Variants in ATP10B observed in about 807,000 individuals in gnomAD.
The protein encoded by ATP10B is phospholipid-transporting ATPase VB.
A neutral mutation model predicts 141.2 loss-of-function variants in ATP10B; 122 were observed. The ratio of observed to expected loss-of-function variants is 0.86; its 90% CI spans 0.75 to 1.00. The LOEUF (loss-of-function observed/expected upper bound fraction) is 1.00, where lower values mean the gene tolerates loss of function less well. Ranked by LOEUF, ATP10B falls within the 50% of genes least tolerant of loss-of-function variation. The pLI, the probability that ATP10B is intolerant of heterozygous loss-of-function variation, is 0.00. For missense variants in ATP10B, 1,876 were observed against 1,825.3 expected (o/e 1.03, Z -0.51); for synonymous variants, 685 against 692.0 (o/e 0.99, Z 0.16).
chr5:160,591,123 G>T lies in ATP10B; in HGVS notation c.3581C>A (p.Thr1194Asn). The T allele has an allele frequency of 1.2e-6, 2 of 1,613,984 alleles. No homozygotes were observed. Among genetic ancestry groups the T allele is most frequent in the Non-Finnish European group, 1.7e-6 (2 of 1,179,894 alleles). Residue 1194 changes from threonine to asparagine, a missense_variant, in exon 23 of 26, where the codon ACT becomes AAT. By Grantham distance (65) the Thr-to-Asn change is moderately conservative. Transcript: ENST00000327245. ...GQNSECYNLSTFWISMVDAFY... is the reference protein window; with the variant it reads ...GQNSECYNLSNFWISMVDAFY... ...TGCATCCACCATAGAAATCCAGAAA[G>T]TCGACAGGTTATAGCACTGCCAGGA...
chr5:160,705,131 G>A (rs1764926246), intron 3 of ATP10B, among the ~76,000 whole-genome samples: 1 of 151,766 alleles, frequency 6.6e-6, no homozygotes, highest in Non-Finnish European at 1.5e-5. Context: ...TGTTAGCCAG[G>A]ATGGTCTCGA....
Position 160,813,341 on chromosome 5 carries a change from G to A in ATP10B, c.-575-27538C>T, listed in dbSNP as rs548649590. On this transcript the variant is annotated intron_variant, in intron 1 of 25. Coordinates refer to ENST00000327245, the MANE Select transcript of ATP10B (RefSeq NM_025153.3). ...ACGACACACCAGGAGATTATATCCCGCGCATGGCTTGGAGGGTCCTACGCC... is the reference window on the plus strand; with the variant it reads ...ACGACACACCAGGAGATTATATCCCACGCATGGCTTGGAGGGTCCTACGCC... Among the ~76,000 whole-genome samples the A allele has an allele frequency of 5.8e-4, 89 of 152,296 alleles. 2 individuals are homozygous for A. The South Asian group carries it at 0.016, about 28-fold the overall frequency.
chr5:160,866,210 C>G, the ATP10B span, among the ~76,000 whole-genome samples: 13 of 152,210 alleles, frequency 8.5e-5, no homozygotes, highest in South Asian at 2.5e-3. Context: ...ATATATACAT[C>G]ATGGAATACT....
At chr5:160,716,745 C>T (rs1366482421) in intron 3 of ATP10B, among the ~76,000 whole-genome samples, 164 bp downstream of exon 3, 2 of 152,150 alleles carry the variant, frequency 1.3e-5, no homozygotes, top group Non-Finnish European at 2.9e-5. Flanking sequence ...TATGGAGGCA[C>T]CAAGGTCCTG....
At chr5:160,570,461 G>A (rs561733507) in intron 24 of ATP10B, among the ~76,000 whole-genome samples, 2 of 152,056 alleles carry the variant, frequency 1.3e-5, no homozygotes, top group Non-Finnish European at 2.9e-5. Flanking sequence ...CAAATATACT[G>A]CAGTCTAAAC....
At chr5:160,880,752 A>T in the ATP10B span, among the ~76,000 whole-genome samples, 4 of 152,236 alleles carry the variant, frequency 2.6e-5, no homozygotes, top group Non-Finnish European at 5.9e-5. Flanking sequence ...TGCCAAAAAA[A>T]ATCTAGGCAC....
At chr5:160,868,545 C>CACACAT in the ATP10B span, among the ~76,000 whole-genome samples, 1 of 151,252 alleles carries the variant, frequency 6.6e-6, no homozygotes, top group Non-Finnish European at 1.5e-5. Flanking sequence ...CACACACACA[C>CACACAT]ACACACACAC....
the ATP10B span, among the ~76,000 whole-genome samples, chr5:160,889,586 G>A: frequency 6.6e-6 from 1 of 152,164 alleles, no homozygotes; most frequent in Non-Finnish European, 1.5e-5. Context: ...CCTAGTGCAC[G>A]CTGTGCACTG....
intron 2 of ATP10B, among the ~76,000 whole-genome samples, chr5:160,748,125 A>T (rs1325127475): frequency 6.6e-6 from 1 of 152,040 alleles, no homozygotes; most frequent in Non-Finnish European, 1.5e-5. Flanking sequence ...CAGCTGCAGG[A>T]ATCTGAAACA....
chr5:160,671,747 T>A (rs1315345744), intron 6 of ATP10B, among the ~76,000 whole-genome samples: 3 of 152,188 alleles, frequency 2.0e-5, no homozygotes, highest in Non-Finnish European at 4.4e-5. Flanking sequence ...CTTTGCATAA[T>A]AACCCACAGG....
intron 8 of ATP10B, 71 bp downstream of exon 8, chr5:160,649,100 C>A: frequency 1.8e-6 from 2 of 1,125,400 alleles, no homozygotes; most frequent in South Asian, 2.8e-5. Context: ...TTTGTTTGGT[C>A]ATTTCTAGAC....
chr5:160,671,355 C>T (rs2127726636), intron 6 of ATP10B, among the ~76,000 whole-genome samples: 1 of 152,048 alleles, frequency 6.6e-6, no homozygotes, highest in Non-Finnish European at 1.5e-5. Context: ...TGTTAATATC[C>T]ACTATTTACC....
chr5:160,592,809 T>C (rs1346593551), intron 22 of ATP10B, among the ~76,000 whole-genome samples: 2 of 152,238 alleles, frequency 1.3e-5, no homozygotes, highest in Non-Finnish European at 2.9e-5. Flanking sequence ...GTCTCGCTGA[T>C]TGCTAGCACA....
chr5:160,634,983 T>C lies in ATP10B; in HGVS notation c.1129-377A>G, dbSNP rs371752415. On this transcript the variant is annotated intron_variant, in intron 11 of 25. Coordinates refer to ENST00000327245, the MANE Select transcript of ATP10B (RefSeq NM_025153.3). ...TTAATTTCTCCCCACTGATTCAATA[T>C]CTCATATTTACCAAGTGCTTGCTGT... Among the ~76,000 whole-genome samples, 23 of 152,352 alleles carry C rather than the reference T, an allele frequency of 1.5e-4. 1 individual carries two copies. The highest frequency in any genetic ancestry group is 1.2e-3 in the East Asian group (6 of 5,186).
At chr5:160,766,195 C>A (rs1769394907) in intron 2 of ATP10B, among the ~76,000 whole-genome samples, 1 of 152,092 alleles carries the variant, frequency 6.6e-6, no homozygotes, top group South Asian at 2.1e-4. Context: ...AGCAATCCCA[C>A]TACTGTGTAT....
chr5:160,652,433 ATT>A (rs1760812795), intron 7 of ATP10B, among the ~76,000 whole-genome samples: 2 of 3,968 alleles, frequency 5.0e-4, no homozygotes, highest in Non-Finnish European at 1.5e-3. Flanking sequence ...CAGGGTTCTT[ATT>A]TATTTATTTA....
At chr5:160,805,045 G>A (rs781686250) in intron 1 of ATP10B, among the ~76,000 whole-genome samples, 9 of 152,178 alleles carry the variant, frequency 5.9e-5, no homozygotes, top group African/African-American at 1.2e-4. Flanking sequence ...ACATGGACCC[G>A]TGCAGCTCAA....
At chr5:160,579,000 C>A (rs1047767160) in intron 24 of ATP10B, among the ~76,000 whole-genome samples, 8 of 152,206 alleles carry the variant, frequency 5.3e-5, no homozygotes, top group Non-Finnish European at 8.8e-5. Context: ...AGTATCTGTT[C>A]ATGTCCTTTG....
chr5:160,695,182 AT>A (rs1251119638), intron 3 of ATP10B, among the ~76,000 whole-genome samples: 1 of 152,196 alleles, frequency 6.6e-6, no homozygotes. Context: ...TTTCATACCA[AT>A]TGAAACTGAC....
Sources: gnomAD v4.1 joint callset for allele counts (sites outside exome capture counted in the v4.1 genomes callset) on GRCh38, gnomAD v4.1.1 for gene constraint, MANE v1.5 for transcripts, NCBI Gene and HGNC (gene_info 2026-07-23, HGNC 2026-07-21) for gene names.